The following WDR35 variants were observed in gnomAD, a reference collection of about 807,000 sequenced individuals.
WDR35 encodes the protein WD repeat-containing protein 35.
Under a neutral mutation model 158.3 loss-of-function variants are expected in WDR35, and 118 were observed. That is an observed-to-expected ratio of 0.75 (90% CI 0.64 to 0.87). WDR35 has a LOEUF of 0.87. WDR35 is among the 40% of genes least tolerant of loss of function. The probability of loss-of-function intolerance (pLI) is 0.00; values close to 1 mark genes in which losing one functional copy is unlikely to be tolerated. For synonymous variants in WDR35, 448 were observed against 476.1 expected (o/e 0.94, Z 0.77); for missense variants, 1,263 against 1,405.8 (o/e 0.90, Z 1.62).
chr2:19,953,478 T>C (rs962711615), intron 12 of WDR35, among the ~76,000 whole-genome samples: 2 of 152,192 alleles, frequency 1.3e-5, no homozygotes, highest in African/African-American at 4.8e-5. Context: ...GGAAAACCTA[T>C]ACCACTAATG....
At chr2:19,946,071 A>G (rs1271211953) in intron 15 of WDR35, 75 bp from the exon 16 acceptor site, 1 of 1,431,842 alleles carries the variant, frequency 7.0e-7, no homozygotes, top group African/African-American at 1.4e-5. Context: ...AATTACCTAT[A>G]GCCATTCTTC....
chr2:19,985,580 T>TAA (rs532102922), intron 2 of WDR35, among the ~76,000 whole-genome samples: 2 of 116,520 alleles, frequency 1.7e-5, no homozygotes, highest in Non-Finnish European at 3.6e-5. Flanking sequence ...CTGGTCCCTT[T>TAA]AAAAAAAAAA....
intron 23 of WDR35, among the ~76,000 whole-genome samples, chr2:19,931,636 T>A (rs1670529436): frequency 6.6e-6 from 1 of 152,156 alleles, no homozygotes; most frequent in Non-Finnish European, 1.5e-5. Flanking sequence ...GAGTTGGAAT[T>A]CAGATCACTC....
At chr2:19,946,419 TTCTAAG>T in intron 15 of WDR35, 36 bp downstream of exon 15, 3 of 1,493,160 alleles carry the variant, frequency 2.0e-6, no homozygotes, top group Non-Finnish European at 2.8e-6. Context: ...AACTGATCAT[TTCTAAG>T]TCTAACATCT....
chr2:19,938,860 A>T (rs997592021), intron 17 of WDR35, among the ~76,000 whole-genome samples: 6 of 151,842 alleles, frequency 4.0e-5, no homozygotes, highest in Non-Finnish European at 8.8e-5. Flanking sequence ...AGCACCCCTA[A>T]CTCTTTTCTG....
Position 19,931,167 on chromosome 2 carries a change from T to C in WDR35, c.2964+102A>G, listed in dbSNP as rs1670511940. 14 of 1,328,262 alleles carry C rather than the reference T, an allele frequency of 1.1e-5. No homozygotes were observed. The South Asian group carries it at 1.8e-4, about 17-fold the overall frequency. The allele number at this position is 1,328,262 out of a possible 1,614,324, so 82.3% of individuals were successfully genotyped here. On this transcript the variant is annotated intron_variant, in intron 24 of 26. Coordinates refer to ENST00000281405, the MANE Select transcript of WDR35 (RefSeq NM_020779.4). ...TCATTTAAGGAAACAAATGCAGACA[T>C]GCAAATTAAATGACCTATCCATAAA...
intron 21 of WDR35, 62 bp downstream of exon 21, chr2:19,935,409 T>A: frequency 6.4e-7 from 1 of 1,574,246 alleles, no homozygotes; most frequent in Non-Finnish European, 8.7e-7. Flanking sequence ...ATTTCCTGAC[T>A]ATAACATAAA....
In WDR35 at chr2:19,989,518, A is replaced by G. The variant is rs3731664; in HGVS notation, c.25-236T>C. On this transcript the variant is annotated intron_variant, in intron 1 of 26. Coordinates refer to ENST00000281405, the MANE Select transcript of WDR35 (RefSeq NM_020779.4). ...AGGATAGTGACTGCGGAGGAAGCCA[A>G]CGCCAGAGTCTCACCGGATGGATTT... Among the ~76,000 whole-genome samples the G allele has an allele frequency of 0.085, 12,919 of 152,272 alleles. 642 individuals are homozygous for G. Among genetic ancestry groups the G allele is most frequent in the East Asian group, 0.23 (1,190 of 5,178 alleles).
chr2:19,977,701 A>G (rs1158943342), intron 5 of WDR35, among the ~76,000 whole-genome samples: 1 of 152,088 alleles, frequency 6.6e-6, no homozygotes, highest in Admixed American at 6.5e-5. Flanking sequence ...TGGCCTCCCA[A>G]GTGCTGTTGG....
At chr2:19,978,533 C>A (rs1323829468) in intron 5 of WDR35, among the ~76,000 whole-genome samples, 1 of 152,070 alleles carries the variant, frequency 6.6e-6, no homozygotes, top group Non-Finnish European at 1.5e-5. Context: ...TTCAATGCCA[C>A]TGTAGGAAAT....
chr2:19,967,449 T>G (rs1671893648), intron 9 of WDR35, among the ~76,000 whole-genome samples: 1 of 152,208 alleles, frequency 6.6e-6, no homozygotes, highest in Non-Finnish European at 1.5e-5. Flanking sequence ...CGTGTACAAC[T>G]ACTTTAACTG....
At chr2:19,973,901 A>T (rs1672110183) in intron 7 of WDR35, among the ~76,000 whole-genome samples, 193 bp from the exon 8 acceptor site, 1 of 152,160 alleles carries the variant, frequency 6.6e-6, no homozygotes, top group Non-Finnish European at 1.5e-5. Flanking sequence ...TGAGTCCAGG[A>T]GTTCAAGATC....
intron 25 of WDR35, among the ~76,000 whole-genome samples, chr2:19,929,981 G>A (rs1670475204): frequency 6.6e-6 from 1 of 151,262 alleles, no homozygotes; most frequent in African/African-American, 2.4e-5. Context: ...ATAAAAGTAT[G>A]CCATGTTATA....
At chr2:19,982,216 G>T (rs1190330080) in intron 3 of WDR35, among the ~76,000 whole-genome samples, 4 of 152,134 alleles carry the variant, frequency 2.6e-5, no homozygotes, top group Admixed American at 2.0e-4. Context: ...CCCAACTGTA[G>T]GCTAGTGTTT....
chr2:19,940,797 G>A (rs114654582), intron 17 of WDR35, among the ~76,000 whole-genome samples: 4 of 152,238 alleles, frequency 2.6e-5, no homozygotes, highest in Non-Finnish European at 5.9e-5. Context: ...ACACCCTCAA[G>A]CCAGTCTCCT....
chr2:19,966,976 G>T, intron 9 of WDR35, 67 bp from the exon 10 acceptor site: 1 of 1,481,038 alleles, frequency 6.8e-7, no homozygotes, highest in Non-Finnish European at 9.4e-7. Flanking sequence ...GTATTGGGAA[G>T]GCAAATCACA....
In WDR35 at chr2:19,966,453, C is replaced by T. The variant is rs541208096; in HGVS notation, c.1194+271G>A. Among the ~76,000 whole-genome samples the T allele has an allele frequency of 1.1e-4, 16 of 151,888 alleles. 1 individual carries two copies. The South Asian group carries it at 1.5e-3, about 14-fold the overall frequency. Reference sequence around the variant, plus strand: ...GAAATTTTAATTTGAAAAGGGATTGCGGTATTTTAAATATATTTCAGAAAC... The same window carrying T: ...GAAATTTTAATTTGAAAAGGGATTGTGGTATTTTAAATATATTTCAGAAAC... On this transcript the variant is annotated intron_variant, in intron 10 of 26. Coordinates refer to ENST00000281405, the MANE Select transcript of WDR35 (RefSeq NM_020779.4).
intron 6 of WDR35, among the ~76,000 whole-genome samples, chr2:19,975,145 G>A (rs1672162665): frequency 1.3e-5 from 2 of 151,992 alleles, no homozygotes; most frequent in Non-Finnish European, 2.9e-5. Context: ...ACAACCATTG[G>A]TAGCTTGCTA....
At position 19,948,207 on chromosome 2, in the gene WDR35, T is replaced by C. The variant is rs777595377; in HGVS notation, c.1481A>G (p.Asp494Gly). ...TGATGCAGTTATGGCACAAATTGGATCCCTTGTGCCCTAAAATAAATTAAT... is the reference window on the plus strand; with the variant it reads ...TGATGCAGTTATGGCACAAATTGGACCCCTTGTGCCCTAAAATAAATTAAT... ...DYSKTIQGTR[D>G]PICAITASDK... Residue 494 changes from aspartate to glycine, a missense_variant, in exon 14 of 27, where the codon GAT (aspartate) becomes GGT (glycine). Coordinates refer to ENST00000281405, the MANE Select transcript of WDR35 (RefSeq NM_020779.4). The C allele has an allele frequency of 1.2e-5, 19 of 1,610,296 alleles. No homozygotes were observed. The highest frequency in any genetic ancestry group is 1.5e-5 in the Non-Finnish European group (18 of 1,178,964).
Sources: allele counts gnomAD v4.1 joint callset (sites outside exome capture counted in the v4.1 genomes callset), GRCh38; gene constraint gnomAD v4.1.1; transcripts MANE v1.5; gene names NCBI Gene and HGNC (gene_info 2026-07-23, HGNC 2026-07-21).